SORCS3: variants seen among roughly 807,000 people sequenced by gnomAD.
The protein encoded by SORCS3 is VPS10 domain-containing receptor SorCS3.
A neutral mutation model predicts 146.3 loss-of-function variants in SORCS3; 57 were observed. The observed-to-expected ratio is 0.39, with a 90% CI of 0.31 to 0.49. The LOEUF (loss-of-function observed/expected upper bound fraction) is 0.49. Among genes scored for constraint, SORCS3 ranks in the 20% least tolerant of loss-of-function variants. The probability of loss-of-function intolerance (pLI) is 0.92; values close to 1 mark genes in which losing one functional copy is unlikely to be tolerated. For synonymous variants in SORCS3, 653 were observed against 618.5 expected (o/e 1.06, Z -0.83); for missense variants, 1,341 against 1,575.5 (o/e 0.85, Z 2.52).
At chr10:104,805,361 A>G (rs138882860) in intron 1 of SORCS3, among the ~76,000 whole-genome samples, 10 of 152,356 alleles carry the variant, frequency 6.6e-5, no homozygotes, top group African/African-American at 2.4e-4. Context: ...CCAAGCCTCA[A>G]GAAGGAACAT....
In SORCS3 at chr10:104,854,725, C is replaced by A. The variant is rs2018311200; in HGVS notation, c.695+11866C>A. Among the ~76,000 whole-genome samples, 8 of 152,236 alleles carry A rather than the reference C, an allele frequency of 5.3e-5. 1 individual carries two copies. The South Asian group carries it at 1.7e-3, about 32-fold the overall frequency. On this transcript the variant is annotated intron_variant, in intron 2 of 26. Transcript: ENST00000369701. ...CACACCTACCTCCCTCACCCAAAAC[C>A]CCTAATCGCTAAACCCTGGCAACCA...
intron 2 of SORCS3, among the ~76,000 whole-genome samples, chr10:104,859,230 A>G (rs2018371672): frequency 6.6e-6 from 1 of 152,172 alleles, no homozygotes; most frequent in African/African-American, 2.4e-5. Flanking sequence ...GTCCAGGCCC[A>G]TCTGATCTGA....
At chr10:104,869,954 C>T (rs1266537894) in intron 2 of SORCS3, among the ~76,000 whole-genome samples, 6 of 152,168 alleles carry the variant, frequency 3.9e-5, no homozygotes, top group South Asian at 4.1e-4. Flanking sequence ...TCAGAATGGA[C>T]ATAATGATGG....
At chr10:104,664,124 T>G (rs1409260892) in intron 1 of SORCS3, among the ~76,000 whole-genome samples, 1 of 152,134 alleles carries the variant, frequency 6.6e-6, no homozygotes, top group African/African-American at 2.4e-5. Flanking sequence ...TAGGCTCAGA[T>G]GCATTGGGGA....
chr10:105,073,388 G>A (rs971499659), intron 5 of SORCS3, among the ~76,000 whole-genome samples: 11 of 152,180 alleles, frequency 7.2e-5, no homozygotes, highest in East Asian at 1.9e-4. Flanking sequence ...AGAGAATGAC[G>A]CTGGACACAG....
chr10:104,926,097 C>A (rs1160307367), intron 3 of SORCS3, among the ~76,000 whole-genome samples: 1 of 152,196 alleles, frequency 6.6e-6, no homozygotes, highest in East Asian at 1.9e-4. Flanking sequence ...TGGGCCTCCC[C>A]TCCTGAGCTG....
At chr10:104,819,653 G>A (rs567858786) in intron 1 of SORCS3, among the ~76,000 whole-genome samples, 3 of 152,122 alleles carry the variant, frequency 2.0e-5, no homozygotes, top group Admixed American at 1.3e-4. Context: ...AGGCAGGTGC[G>A]CCCTTTCCCT....
chr10:105,066,508 T>C (rs142833469), intron 5 of SORCS3, among the ~76,000 whole-genome samples: 17 of 152,006 alleles, frequency 1.1e-4, no homozygotes, highest in South Asian at 2.1e-4. Flanking sequence ...TGGTGTGGGG[T>C]CTTGGATTTG....
At chr10:104,835,525 T>C (rs1189496418) in intron 1 of SORCS3, among the ~76,000 whole-genome samples, 2 of 152,146 alleles carry the variant, frequency 1.3e-5, no homozygotes, top group African/African-American at 4.8e-5. Context: ...TTTACAGGCA[T>C]TAAAGGTCCT....
intron 3 of SORCS3, among the ~76,000 whole-genome samples, chr10:104,952,841 A>C (rs2019447194): frequency 6.6e-6 from 1 of 152,202 alleles, no homozygotes; most frequent in South Asian, 2.1e-4. Context: ...GTTGCCCATT[A>C]ATTAGGAAAG....
At chr10:104,966,293 G>T (rs76383320) in intron 3 of SORCS3, among the ~76,000 whole-genome samples, 1 of 152,082 alleles carries the variant, frequency 6.6e-6, no homozygotes, top group Non-Finnish European at 1.5e-5. Flanking sequence ...AGTAAAAGCC[G>T]TATCTACAGT....
intron 3 of SORCS3, among the ~76,000 whole-genome samples, chr10:104,932,999 A>G (rs1298494709): frequency 6.6e-6 from 1 of 152,146 alleles, no homozygotes; most frequent in South Asian, 2.1e-4. Context: ...AAAAAGTGAT[A>G]GGATTACAGA....
In SORCS3 at chr10:105,245,529, C is replaced by T. The variant is rs972727288; in HGVS notation, c.2869-13C>T. 2 of 1,613,704 alleles carry T rather than the reference C, an allele frequency of 1.2e-6. No homozygotes were observed. Among genetic ancestry groups the T allele is most frequent in the South Asian group, 1.1e-5 (1 of 91,006 alleles). On this transcript the variant is annotated splice_polypyrimidine_tract_variant and intron_variant, in intron 20 of 26. Transcript: ENST00000369701. ...ACACAAGACTGAATGAGTATTGTTA[C>T]TTCTTCTTGTAGCCTCTCATCACTT...
chr10:104,899,422 T>C (rs2018829844), intron 2 of SORCS3, among the ~76,000 whole-genome samples: 3 of 152,214 alleles, frequency 2.0e-5, no homozygotes, highest in African/African-American at 7.2e-5. Context: ...ATGTATGAGC[T>C]AGCAGTCAAT....
At chr10:104,768,208 T>C (rs963456155) in intron 1 of SORCS3, among the ~76,000 whole-genome samples, 1 of 152,198 alleles carries the variant, frequency 6.6e-6, no homozygotes, top group African/African-American at 2.4e-5. Flanking sequence ...TCTAACTCCA[T>C]AGGGAAGGCA....
intron 6 of SORCS3, among the ~76,000 whole-genome samples, chr10:105,091,156 TTCCCTTC>T (rs2055699615): frequency 8.1e-6 from 1 of 123,062 alleles, no homozygotes; most frequent in Non-Finnish European, 1.7e-5. Context: ...GCCCCTTCCC[TTCCCTTC>T]CCTTCCTTTC....
rs548058568 is a variant in SORCS3 at position 104,708,520 on chromosome 10, T to C, written c.627+66566T>C. Among the ~76,000 whole-genome samples the C allele has an allele frequency of 1.2e-4, 18 of 152,334 alleles. No individual in the cohort carries two copies. The South Asian group carries it at 3.1e-3, about 26-fold the overall frequency. On this transcript the variant is annotated intron_variant, in intron 1 of 26. Coordinates refer to ENST00000369701, the MANE Select transcript of SORCS3 (RefSeq NM_014978.3). ...AAGTTGGTAAAGAAGAGAAAGTCCA[T>C]GTATCTTCGCTTAGCTGATTGCTAA...
At chr10:104,971,011 T>A (rs897244001) in intron 3 of SORCS3, among the ~76,000 whole-genome samples, 3 of 152,182 alleles carry the variant, frequency 2.0e-5, no homozygotes, top group Non-Finnish European at 2.9e-5. Flanking sequence ...GGAAATAAAT[T>A]CACTTGCTTA....
At chr10:105,244,804 C>T (rs1258765880) in intron 20 of SORCS3, among the ~76,000 whole-genome samples, 1 of 152,032 alleles carries the variant, frequency 6.6e-6, no homozygotes, top group Non-Finnish European at 1.5e-5. Flanking sequence ...CGCAGTGGTT[C>T]ACGCCTGTAA....
Sources: gnomAD v4.1 joint callset for allele counts (sites outside exome capture counted in the v4.1 genomes callset) on GRCh38, gnomAD v4.1.1 for gene constraint, MANE v1.5 for transcripts, NCBI Gene and HGNC (gene_info 2026-07-23, HGNC 2026-07-21) for gene names.